PTPN11: variants seen among roughly 807,000 people sequenced by gnomAD.
The protein encoded by PTPN11 is protein tyrosine phosphatase non-receptor type 11.
PTPN11 carries 6 observed loss-of-function variants against 78.8 expected under a neutral mutation model. That is an observed-to-expected ratio of 0.08 (90% CI 0.04 to 0.15). PTPN11 has a LOEUF of 0.15. PTPN11 is among the 10% of genes least tolerant of loss of function. PTPN11 has a pLI of 1.00. For missense variants in PTPN11, 386 were observed against 744.8 expected (o/e 0.52, Z 5.61); for synonymous variants, 221 against 263.5 (o/e 0.84, Z 1.56).
chr12:112,492,549 G>T (rs1052609792), intron 13 of PTPN11, among the ~76,000 whole-genome samples: 3 of 148,462 alleles, frequency 2.0e-5, no homozygotes, highest in Non-Finnish European at 4.4e-5. Context: ...ATGGAGTCTC[G>T]CACCGTCTCC....
intron 1 of PTPN11, among the ~76,000 whole-genome samples, chr12:112,440,719 G>A (rs1203726467): frequency 6.6e-6 from 1 of 150,636 alleles, no homozygotes; most frequent in Non-Finnish European, 1.5e-5. Flanking sequence ...GATTACAGAT[G>A]TGTGCCACCA....
chr12:112,430,486 T>C (rs2135833975), intron 1 of PTPN11, among the ~76,000 whole-genome samples: 1 of 152,292 alleles, frequency 6.6e-6, no homozygotes, highest in South Asian at 2.1e-4. Context: ...TGGAGTGTAA[T>C]GGCACAACCA....
chr12:112,501,668 G>T (rs1342192532), intron 13 of PTPN11, among the ~76,000 whole-genome samples: 6 of 152,156 alleles, frequency 3.9e-5, no homozygotes, highest in African/African-American at 1.4e-4. Flanking sequence ...AGGGCTGAGG[G>T]GAGATACAAT....
intron 3 of PTPN11, 119 bp downstream of exon 3, chr12:112,450,631 T>G (rs1255989891): frequency 2.1e-5 from 21 of 990,714 alleles, no homozygotes; most frequent in Middle Eastern, 2.0e-4. Context: ...TTTTTTGAGC[T>G]GTAATCTTTA....
intron 6 of PTPN11, among the ~76,000 whole-genome samples, chr12:112,466,792 C>CCTAG (rs1179996897): frequency 6.6e-6 from 1 of 151,980 alleles, no homozygotes; most frequent in Non-Finnish European, 1.5e-5. Context: ...ATTTTTCTTC[C>CCTAG]CTAGGTATTT....
At chr12:112,484,804 G>C (rs2038648631) in intron 10 of PTPN11, among the ~76,000 whole-genome samples, 2 of 151,850 alleles carry the variant, frequency 1.3e-5, no homozygotes, top group South Asian at 4.1e-4. Context: ...AGAGGATCGT[G>C]TTAGCTCAGG....
At chr12:112,490,486 T>C (rs947752381) in intron 13 of PTPN11, among the ~76,000 whole-genome samples, 8 of 152,138 alleles carry the variant, frequency 5.3e-5, no homozygotes, top group Non-Finnish European at 8.8e-5. Context: ...TTCGCATTTT[T>C]TGTAGTGTCA....
At chr12:112,479,375 T>C (rs1356137741) in intron 9 of PTPN11, among the ~76,000 whole-genome samples, 2 of 152,200 alleles carry the variant, frequency 1.3e-5, no homozygotes, top group African/African-American at 4.8e-5. Context: ...GTCATACCTA[T>C]AAATTAAACC....
intron 1 of PTPN11, among the ~76,000 whole-genome samples, chr12:112,429,196 C>A (rs1211952954): frequency 6.6e-6 from 1 of 152,130 alleles, no homozygotes; most frequent in African/African-American, 2.4e-5. Flanking sequence ...TCCTGCATAA[C>A]CTCCACCAAT....
At chr12:112,434,772 A>G (rs532308617) in intron 1 of PTPN11, among the ~76,000 whole-genome samples, 2 of 152,088 alleles carry the variant, frequency 1.3e-5, no homozygotes, top group South Asian at 4.2e-4. Flanking sequence ...ATATATGTAT[A>G]TATACAAGGT....
chr12:112,430,044 A>G (rs2384026), intron 1 of PTPN11, among the ~76,000 whole-genome samples: 1 of 152,016 alleles, frequency 6.6e-6, no homozygotes, highest in African/African-American at 2.4e-5. Context: ...TTTTTGAGAC[A>G]GAGTCTTGCT....
At chr12:112,423,246 G>C (rs1163531654) in intron 1 of PTPN11, among the ~76,000 whole-genome samples, 1 of 152,156 alleles carries the variant, frequency 6.6e-6, no homozygotes, top group Non-Finnish European at 1.5e-5. Context: ...TTTTATGCCA[G>C]CATCAAATGA....
At position 112,430,576 on chromosome 12, in the gene PTPN11, G is replaced by A. The variant is rs570055611; in HGVS notation, c.14+11451G>A. On this transcript the variant is annotated intron_variant, in intron 1 of 15. Transcript: ENST00000351677. Reference sequence around the variant, plus strand: ...CTAGAGTAGATGGGACCACAGGTGTGGGCCACCATGCCTGGGTAATTACAA... The same window carrying A: ...CTAGAGTAGATGGGACCACAGGTGTAGGCCACCATGCCTGGGTAATTACAA... Among the ~76,000 whole-genome samples the A allele has an allele frequency of 2.3e-3, 351 of 151,728 alleles. 1 individual carries two copies. Among genetic ancestry groups the A allele is most frequent in the Non-Finnish European group, 3.4e-3 (231 of 67,952 alleles).
intron 11 of PTPN11, 142 bp from the exon 12 acceptor site, chr12:112,488,301 A>T (rs1454907057): frequency 1.1e-5 from 9 of 844,280 alleles, no homozygotes; most frequent in Non-Finnish European, 1.8e-5. Flanking sequence ...TTTTGCCAAC[A>T]TATTTTCAAA....
chr12:112,456,458 CT>C (rs11320404), intron 6 of PTPN11, among the ~76,000 whole-genome samples: 27,007 of 124,372 alleles, frequency 0.22, 3,443 homozygotes, highest in East Asian at 0.76. Flanking sequence ...CTTGTGGTGG[CT>C]TTTTTTTTTT....
chr12:112,485,016 T>G (rs563944329), intron 10 of PTPN11, among the ~76,000 whole-genome samples: 1 of 152,274 alleles, frequency 6.6e-6, no homozygotes, highest in South Asian at 2.1e-4. Flanking sequence ...ATCCCTGCAC[T>G]TTGGGAGGCT....
intron 3 of PTPN11, among the ~76,000 whole-genome samples, chr12:112,452,938 A>C (rs1395817022): frequency 6.6e-6 from 1 of 152,090 alleles, no homozygotes; most frequent in Non-Finnish European, 1.5e-5. Flanking sequence ...AAAAAACAGG[A>C]AAGATTGGGG....
chr12:112,437,540 G>T (rs2037813995), intron 1 of PTPN11, among the ~76,000 whole-genome samples: 1 of 152,112 alleles, frequency 6.6e-6, no homozygotes, highest in Non-Finnish European at 1.5e-5. Context: ...ATGTGGTATT[G>T]GATTCTTTTA....
intron 1 of PTPN11, among the ~76,000 whole-genome samples, chr12:112,422,813 G>A (rs900546344): frequency 3.3e-5 from 5 of 152,206 alleles, no homozygotes; most frequent in African/African-American, 1.2e-4. Context: ...CATGGTCAAT[G>A]TGGAGACTGT....
Sources: allele counts gnomAD v4.1 joint callset (sites outside exome capture counted in the v4.1 genomes callset), GRCh38; gene constraint gnomAD v4.1.1; transcripts MANE v1.5; gene names NCBI Gene and HGNC (gene_info 2026-07-23, HGNC 2026-07-21).